The following SMAP1 variants were observed in gnomAD, a reference collection of about 807,000 sequenced individuals.
SMAP1 encodes the protein stromal membrane-associated protein 1.
Under a neutral mutation model 58.5 loss-of-function variants are expected in SMAP1, and 24 were observed. The ratio of observed to expected loss-of-function variants is 0.41; its 90% confidence interval spans 0.30 to 0.58. The LOEUF is 0.58. SMAP1 is among the 20% of genes least tolerant of loss of function. The probability of loss-of-function intolerance (pLI) is 0.29; values close to 1 mark genes in which losing one functional copy is unlikely to be tolerated. For synonymous variants in SMAP1, 216 were observed against 196.6 expected, an observed-to-expected ratio of 1.10 and a Z score of -0.82; for missense variants, 563 against 566.3, an observed-to-expected ratio of 0.99 and a Z score of 0.06.
chr6:70,786,063 G>A lies in SMAP1; in HGVS notation c.415-5626G>A, dbSNP rs548670770. ...ATGCAAAAATTCTCAATAAAATACT[G>A]GCAAACTGAATCCAGCAGCACATCA... On this transcript the variant is annotated intron_variant, in intron 4 of 10. Transcript: ENST00000370455. Among the ~76,000 whole-genome samples, 38 of 152,242 alleles carry A rather than the reference G, an allele frequency of 2.5e-4. 1 individual carries two copies. The East Asian group carries it at 7.3e-3, about 29-fold the overall frequency.
intron 8 of SMAP1, among the ~76,000 whole-genome samples, chr6:70,854,495 G>C (rs541149641): frequency 1.3e-5 from 2 of 152,118 alleles, no homozygotes; most frequent in East Asian, 3.9e-4. Flanking sequence ...GGTGGCGTGC[G>C]CCTGTAATCC....
intron 4 of SMAP1, among the ~76,000 whole-genome samples, chr6:70,778,297 A>G (rs1767625903): frequency 6.6e-6 from 1 of 152,262 alleles, no homozygotes; most frequent in South Asian, 2.1e-4. Context: ...TGTTCTTAGA[A>G]GAGAAGTTTT....
chr6:70,758,541 A>AT (rs1393471185), intron 3 of SMAP1, among the ~76,000 whole-genome samples: 2 of 152,030 alleles, frequency 1.3e-5, no homozygotes, highest in Non-Finnish European at 2.9e-5. Flanking sequence ...AAATAAATAA[A>AT]AATAAAAACA....
At position 70,701,065 on chromosome 6, in the gene SMAP1, T is replaced by C. The variant is rs149696568; in HGVS notation, c.119-31313T>C. 5.1e-3 allele frequency among the ~76,000 whole-genome samples: 777 copies of C among 151,876 alleles called. 9 individuals carry two copies. The highest frequency in any genetic ancestry group is 0.018 in the African/African-American group (734 of 41,408). On this transcript the variant is annotated intron_variant, in intron 1 of 10. Coordinates refer to ENST00000370455, the MANE Select transcript of SMAP1 (RefSeq NM_001044305.3). ...TCTCTCCTCACACGGAAGGAAGGAG[T>C]CTCTCCTAGAGCTGTGAGCTGTGCC...
At position 70,819,351 on chromosome 6, in the gene SMAP1, T is replaced by C. The variant is rs1241424654; in HGVS notation, c.577-17590T>C. Among the ~76,000 whole-genome samples, 4 of 149,644 alleles carry C rather than the reference T, an allele frequency of 2.7e-5. No homozygotes were observed. In the East Asian group the frequency reaches 7.8e-4, roughly 29 times the overall value. The stretch of plus-strand genomic sequence containing the variant: ...GTGAAAAAAAAAAAAGGAACCAGAG[T>C]AACTATATGTTAGAACTTAATACAG... On this transcript the variant is annotated intron_variant, in intron 6 of 10. Transcript: ENST00000370455.
intron 3 of SMAP1, chr6:70,773,014 C>T (rs1767394008): frequency 4.1e-6 from 1 of 241,074 alleles, no homozygotes; most frequent in Non-Finnish European, 8.0e-6. Flanking sequence ...ATTTCTTATA[C>T]CAAAAACCCC....
Position 70,732,441 on chromosome 6 carries a change from G to A in SMAP1, c.182G>A (p.Arg61Lys). Residue 61 changes from arginine (R) to lysine (K), a missense_variant, in exon 2 of 11, where the codon AGA (arginine) becomes AAA (lysine). Transcript: ENST00000370455. ...TGCATCAGATGTGCTGGAATTCATA[G>A]AAATCTTGGGGTTCATATATCCAGG... ...FICIRCAGIH[R>K]NLGVHISRVK... 6.2e-7 allele frequency: 1 copy of A among 1,612,904 alleles called. No homozygotes were observed. The highest frequency in any genetic ancestry group is 8.5e-7 in the Non-Finnish European group (1 of 1,179,266).
chr6:70,745,486 A>T (rs1205205247), intron 2 of SMAP1, among the ~76,000 whole-genome samples: 1 of 152,020 alleles, frequency 6.6e-6, no homozygotes, highest in Non-Finnish European at 1.5e-5. Context: ...ATGGTTGTAG[A>T]TGTGTGGTGT....
intron 6 of SMAP1, among the ~76,000 whole-genome samples, chr6:70,805,496 A>G (rs763768338): frequency 5.3e-5 from 8 of 152,090 alleles, no homozygotes; most frequent in African/African-American, 1.9e-4. Flanking sequence ...TTTGAAGCCT[A>G]CTTCAGTCAA....
chr6:70,791,742 A>G lies in SMAP1; in HGVS notation c.468A>G (p.Gln156=), dbSNP rs760304917. The change falls in exon 5 of 11, where the codon CAA becomes CAG. Residue 156 remains glutamine (Q), a synonymous_variant. Transcript: ENST00000370455. ...LQPLVSSPSL[Q]AAVDKNKLEK... Reference sequence around the variant, plus strand: ...CTTTGGTATCCTCTCCTTCTCTGCAAGCTGCTGTTGACAAAAATAAATTGG... The same window carrying G: ...CTTTGGTATCCTCTCCTTCTCTGCAGGCTGCTGTTGACAAAAATAAATTGG... The G allele has an allele frequency of 1.2e-6, 2 of 1,613,308 alleles. No individual in the cohort carries two copies. Among genetic ancestry groups the G allele is most frequent in the Non-Finnish European group, 1.7e-6 (2 of 1,179,714 alleles).
Position 70,667,994 on chromosome 6 carries a change from C to G in SMAP1, c.-30C>G, listed in dbSNP as rs749471024. 18 of 1,553,780 alleles carry G rather than the reference C, an allele frequency of 1.2e-5. No homozygotes were observed. In the East Asian group the frequency reaches 3.7e-4, roughly 32 times the overall value. On this transcript the variant is annotated 5_prime_UTR_variant, in exon 1 of 11. Coordinates refer to ENST00000370455, the MANE Select transcript of SMAP1 (RefSeq NM_001044305.3). The stretch of plus-strand genomic sequence containing the variant: ...CAGCCAGCGTCCGCCGCCGCCGTAG[C>G]TGCCCCAGGCTCCCCGCCCCGCTGC...
At chr6:70,698,331 T>C (rs1369156500) in intron 1 of SMAP1, among the ~76,000 whole-genome samples, 2 of 152,224 alleles carry the variant, frequency 1.3e-5, no homozygotes, top group East Asian at 3.8e-4. Flanking sequence ...TTTAGGATCC[T>C]TTATCTTTGA....
intron 4 of SMAP1, among the ~76,000 whole-genome samples, chr6:70,785,175 A>G (rs1229785071): frequency 1.3e-5 from 2 of 152,216 alleles, no homozygotes; most frequent in African/African-American, 4.8e-5. Context: ...AGCTACATGG[A>G]AACTGAACAA....
chr6:70,846,316 A>G (rs1298175516), intron 7 of SMAP1, among the ~76,000 whole-genome samples: 2 of 152,078 alleles, frequency 1.3e-5, no homozygotes, highest in Non-Finnish European at 2.9e-5. Flanking sequence ...TTAATCATGT[A>G]TTGAGTATGT....
At position 70,729,267 on chromosome 6, in the gene SMAP1, G is replaced by A. The variant is rs1358987333; in HGVS notation, c.119-3111G>A. Among the ~76,000 whole-genome samples the A allele has an allele frequency of 9.9e-5, 15 of 151,946 alleles. No homozygotes were observed. The East Asian group carries it at 1.9e-3, about 20-fold the overall frequency. ...ATCCTGGCTAACATGGTGAAACCCC[G>A]TCTCTACTAAAAATACAAAAAATTA... On this transcript the variant is annotated intron_variant, in intron 1 of 10. Coordinates refer to ENST00000370455, the MANE Select transcript of SMAP1 (RefSeq NM_001044305.3).
intron 1 of SMAP1, among the ~76,000 whole-genome samples, chr6:70,707,988 A>G (rs1767904730): frequency 6.6e-6 from 1 of 152,164 alleles, no homozygotes; most frequent in Admixed American, 6.5e-5. Flanking sequence ...CTACTCTTTC[A>G]GCAAGTTTTC....
intron 1 of SMAP1, among the ~76,000 whole-genome samples, chr6:70,709,836 A>G (rs1767979541): frequency 6.6e-6 from 1 of 152,142 alleles, no homozygotes. Context: ...TCATGAACAC[A>G]AGGTATCTTT....
At chr6:70,810,859 A>G (rs1196325423) in intron 6 of SMAP1, among the ~76,000 whole-genome samples, 1 of 152,186 alleles carries the variant, frequency 6.6e-6, no homozygotes, top group Non-Finnish European at 1.5e-5. Flanking sequence ...TTATTGATAC[A>G]TATACTGTGC....
chr6:70,731,751 C>T (rs1187943019), intron 1 of SMAP1, among the ~76,000 whole-genome samples: 1 of 152,094 alleles, frequency 6.6e-6, no homozygotes, highest in African/African-American at 2.4e-5. Context: ...TGAAGCAGTC[C>T]TTGTTTCCCC....
Sources: allele counts gnomAD v4.1 joint callset (sites outside exome capture counted in the v4.1 genomes callset), GRCh38; gene constraint gnomAD v4.1.1; transcripts MANE v1.5; gene names NCBI Gene and HGNC (gene_info 2026-07-23, HGNC 2026-07-21).